Variants in CLYBL observed in about 807,000 individuals in gnomAD.
The protein encoded by CLYBL is citramalyl-CoA lyase, mitochondrial.
In CLYBL, 31 loss-of-function variants were observed where a neutral mutation model predicts 38.9. The observed-to-expected ratio is 0.80, with a 90% CI of 0.60 to 1.08. CLYBL has a LOEUF of 1.08. CLYBL is among the 50% of genes least tolerant of loss of function. CLYBL has a pLI of 0.00. For synonymous variants in CLYBL, 171 were observed against 158.6 expected (o/e 1.08, Z -0.59); for missense variants, 434 against 411.6 (o/e 1.05, Z -0.47).
chr13:99,891,461 G>T (rs2152132458), intron 8 of CLYBL, 24 bp downstream of exon 8: 4 of 1,374,046 alleles, frequency 2.9e-6, no homozygotes, highest in Non-Finnish European at 4.2e-6. Context: ...ATACAGTGGG[G>T]TTCTTAAAGA....
At chr13:99,731,166 C>T (rs2048583763) in intron 1 of CLYBL, among the ~76,000 whole-genome samples, 1 of 149,648 alleles carries the variant, frequency 6.7e-6, no homozygotes, top group African/African-American at 2.5e-5. Context: ...TTAATATAGA[C>T]CAGATTTCGG....
At chr13:99,608,157 C>T (rs2139159782) in intron 1 of CLYBL, among the ~76,000 whole-genome samples, 1 of 151,246 alleles carries the variant, frequency 6.6e-6, no homozygotes, top group South Asian at 2.1e-4. Context: ...CTGCAACCTC[C>T]GCCTCCCGGA....
At chr13:99,768,945 TG>T (rs775479101) in intron 1 of CLYBL, among the ~76,000 whole-genome samples, 6 of 152,130 alleles carry the variant, frequency 3.9e-5, no homozygotes, top group Non-Finnish European at 8.8e-5. Context: ...AAAAAATTAA[TG>T]GGGGAGGTGC....
intron 1 of CLYBL, among the ~76,000 whole-genome samples, chr13:99,756,217 A>G (rs188910213): frequency 2.1e-4 from 32 of 152,314 alleles, no homozygotes; most frequent in Non-Finnish European, 2.4e-4. Context: ...TCTCAAAATT[A>G]TCATTTGATC....
intron 2 of CLYBL, among the ~76,000 whole-genome samples, chr13:99,780,587 T>C (rs991260420): frequency 1.4e-4 from 21 of 151,840 alleles, no homozygotes; most frequent in Admixed American, 1.4e-3. Context: ...TTTCACCATG[T>C]TGATGGTCCG....
chr13:99,797,915 T>C (rs2050056136), intron 2 of CLYBL, among the ~76,000 whole-genome samples: 1 of 152,180 alleles, frequency 6.6e-6, no homozygotes, highest in South Asian at 2.1e-4. Context: ...ATTAGCAGTT[T>C]GCACCCTTTG....
chr13:99,896,369 C>CG (rs2052579261), downstream of CLYBL: 1 of 152,234 alleles, frequency 6.6e-6, no homozygotes, highest in Non-Finnish European at 1.5e-5. Context: ...ACGTCTCTCT[C>CG]GGGTCTCCCA....
chr13:99,609,722 A>G (rs1383625154), intron 1 of CLYBL, among the ~76,000 whole-genome samples: 1 of 151,716 alleles, frequency 6.6e-6, no homozygotes, highest in Non-Finnish European at 1.5e-5. Flanking sequence ...ATTCTTTTGT[A>G]GAAATCAGGT....
chr13:99,854,278 T>G (rs1350142658), intron 2 of CLYBL, among the ~76,000 whole-genome samples: 1 of 152,078 alleles, frequency 6.6e-6, no homozygotes, highest in Non-Finnish European at 1.5e-5. Context: ...GGAAAGGTGA[T>G]AATTCAGATG....
intron 1 of CLYBL, among the ~76,000 whole-genome samples, chr13:99,678,912 C>T (rs2047692077): frequency 6.6e-6 from 1 of 151,984 alleles, no homozygotes; most frequent in African/African-American, 2.4e-5. Flanking sequence ...TTATTGAGGA[C>T]CTAGTATGTG....
At chr13:99,655,704 G>C (rs977981985) in intron 1 of CLYBL, among the ~76,000 whole-genome samples, 2 of 152,212 alleles carry the variant, frequency 1.3e-5, no homozygotes, top group Non-Finnish European at 2.9e-5. Flanking sequence ...TGTGGGACCT[G>C]GTGTCAGCTG....
Position 99,847,828 on chromosome 13 carries a change from A to T in CLYBL, c.250-11033A>T, listed in dbSNP as rs369713490. Among the ~76,000 whole-genome samples, 62 of 152,260 alleles carry T rather than the reference A, an allele frequency of 4.1e-4. No individual in the cohort carries two copies. In the South Asian group the frequency reaches 5.6e-3, roughly 14 times the overall value. ...AGGGCTGCAGGGCAGCTTCTCAGAG[A>T]TACTTCTCAACTGAGCTGTGAGTCA... is the stretch of plus-strand genomic sequence containing the variant. On this transcript the variant is annotated intron_variant, in intron 2 of 8. Transcript: ENST00000339105.
intron 2 of CLYBL, among the ~76,000 whole-genome samples, chr13:99,801,011 G>C (rs1365761746): frequency 6.6e-6 from 1 of 152,124 alleles, no homozygotes; most frequent in Non-Finnish European, 1.5e-5. Flanking sequence ...AGTTTCATAG[G>C]AGCAGCCCCA....
intron 6 of CLYBL, among the ~76,000 whole-genome samples, chr13:99,868,464 A>G (rs1433448253): frequency 1.3e-5 from 2 of 152,146 alleles, no homozygotes; most frequent in Non-Finnish European, 2.9e-5. Flanking sequence ...GGAGGAAGGA[A>G]GACATGTCTT....
At chr13:99,759,456 G>A (rs893413436) in intron 1 of CLYBL, among the ~76,000 whole-genome samples, 1 of 152,142 alleles carries the variant, frequency 6.6e-6, no homozygotes, top group African/African-American at 2.4e-5. Context: ...AGTGGGGTGC[G>A]GGTGAGTTCT....
chr13:99,631,848 G>A (rs1312587563), intron 1 of CLYBL, among the ~76,000 whole-genome samples: 1 of 152,046 alleles, frequency 6.6e-6, no homozygotes, highest in Non-Finnish European at 1.5e-5. Context: ...TGATCCACCC[G>A]CCTCAGCCTC....
intron 2 of CLYBL, among the ~76,000 whole-genome samples, chr13:99,784,449 CTT>C (rs772465561): frequency 1.9e-4 from 10 of 52,122 alleles, no homozygotes; most frequent in Middle Eastern, 0.024. Flanking sequence ...AAAATTCTCT[CTT>C]TTTTTTTTTT....
At chr13:99,647,969 T>G (rs1346677141) in intron 1 of CLYBL, among the ~76,000 whole-genome samples, 1 of 152,180 alleles carries the variant, frequency 6.6e-6, no homozygotes, top group East Asian at 1.9e-4. Context: ...GAGGAAACAG[T>G]TCATTGGAAT....
At chr13:99,815,726 A>T (rs1400934206) in intron 2 of CLYBL, among the ~76,000 whole-genome samples, 1 of 152,024 alleles carries the variant, frequency 6.6e-6, no homozygotes, top group Non-Finnish European at 1.5e-5. Flanking sequence ...AAAATACAAA[A>T]ATTAGCCATG....
Sources: allele counts gnomAD v4.1 joint callset (sites outside exome capture counted in the v4.1 genomes callset), GRCh38; gene constraint gnomAD v4.1.1; transcripts MANE v1.5; gene names NCBI Gene and HGNC (gene_info 2026-07-23, HGNC 2026-07-21).